ZNF276: variants seen among roughly 807,000 people sequenced by gnomAD.
ZNF276 encodes the protein zinc finger protein 276.
In ZNF276, 59 loss-of-function variants were observed where a neutral mutation model predicts 63.9. That is an observed-to-expected ratio of 0.92 (90% CI 0.75 to 1.15). The LOEUF (loss-of-function observed/expected upper bound fraction) is 1.15. Among genes scored for constraint, ZNF276 ranks in the 50% most tolerant of loss-of-function variants. The pLI, the probability that ZNF276 is intolerant of heterozygous loss-of-function variation, is 0.00. For synonymous variants in ZNF276, 496 were observed against 348.4 expected, an observed-to-expected ratio of 1.42 and a Z score of -4.72; for missense variants, 1,084 against 843.8, an observed-to-expected ratio of 1.28 and a Z score of -3.53.
chr16:89,729,125 C>T, intron 5 of ZNF276, 110 bp from the exon 6 acceptor site: 1 of 872,402 alleles, frequency 1.1e-6, no homozygotes, highest in Non-Finnish European at 1.8e-6. Context: ...TTCAGAAGAA[C>T]TCAAATGTGG....
chr16:89,739,534 G>A lies in ZNF276; in HGVS notation c.*1288G>A, dbSNP rs187297609. On this transcript the variant is annotated 3_prime_UTR_variant, in exon 11 of 11. Coordinates refer to ENST00000443381, the MANE Select transcript of ZNF276 (RefSeq NM_001113525.2). ...GCTGATCCGGGGCCACACGGAGGAGGAGCCGCCCCAGCCTGAGGTCTGCAA... is the reference window on the plus strand; with the variant it reads ...GCTGATCCGGGGCCACACGGAGGAGAAGCCGCCCCAGCCTGAGGTCTGCAA... 1.9e-6 allele frequency: 3 copies of A among 1,551,352 alleles called. No homozygotes were observed. Among genetic ancestry groups the A allele is most frequent in the South Asian group, 1.2e-5 (1 of 84,068 alleles).
Position 89,739,182 on chromosome 16 carries a change from G to C in ZNF276, c.*936G>C, listed in dbSNP as rs1277481284. On this transcript the variant is annotated 3_prime_UTR_variant, in exon 11 of 11. Coordinates refer to ENST00000443381, the MANE Select transcript of ZNF276 (RefSeq NM_001113525.2). ...GCCAGCTGGAGGTGAAACTGTGCTTGTATCCCCAGCCACGAAGAGCTGGAC... is the reference window on the plus strand; with the variant it reads ...GCCAGCTGGAGGTGAAACTGTGCTTCTATCCCCAGCCACGAAGAGCTGGAC... 6.2e-7 allele frequency: 1 copy of C among 1,614,146 alleles called. No individual in the cohort carries two copies. The highest frequency in any genetic ancestry group is 2.2e-5 in the East Asian group (1 of 44,892).
intron 9 of ZNF276, 102 bp downstream of exon 9, chr16:89,734,140 G>C (rs906267756): frequency 9.0e-7 from 1 of 1,116,468 alleles, no homozygotes; most frequent in African/African-American, 1.5e-5. Context: ...AGTTGGGGGT[G>C]CGTGAAGGTG....
chr16:89,739,078 G>C lies in ZNF276; in HGVS notation c.*832G>C, dbSNP rs553955430. The stretch of plus-strand genomic sequence containing the variant: ...TGTGCCGGAACATTCTTTGGCAGAA[G>C]GAGCCTCCGGCTGGGGGGAGCTCCC... On this transcript the variant is annotated 3_prime_UTR_variant, in exon 11 of 11. Coordinates refer to ENST00000443381, the MANE Select transcript of ZNF276 (RefSeq NM_001113525.2). 22 of 1,613,932 alleles carry C rather than the reference G, an allele frequency of 1.4e-5. No individual in the cohort carries two copies. In the South Asian group the frequency reaches 2.2e-4, roughly 16 times the overall value.
intron 6 of ZNF276, chr16:89,731,981 TGA>T (rs2061669025): frequency 6.6e-6 from 1 of 152,240 alleles, no homozygotes; most frequent in Admixed American, 6.5e-5. Flanking sequence ...AGAGCAGTGG[TGA>T]GAGAATCCGT....
intron 5 of ZNF276, among the ~76,000 whole-genome samples, chr16:89,728,424 G>C (rs780707545): frequency 2.5e-4 from 38 of 151,392 alleles, no homozygotes; most frequent in Non-Finnish European, 4.7e-4. Context: ...TTTTATTTGA[G>C]ACGGAGTCTC....
Position 89,740,707 on chromosome 16 carries a change from A to C in ZNF276, c.*2461A>C. On this transcript the variant is annotated 3_prime_UTR_variant, in exon 11 of 11. Transcript: ENST00000443381. ...CTTCCGCAAACACAAGGAGCTCCTG[A>C]GCTAGTCTGGAAACCCTGACTTGGA... 1 of 959,862 alleles carries C rather than the reference A, an allele frequency of 1.0e-6. No individual in the cohort carries two copies. The highest frequency in any genetic ancestry group is 1.4e-5 in the South Asian group (1 of 74,002). The allele number at this position is 959,862 out of a possible 1,614,324, so 59.5% of individuals were successfully genotyped here. A position where few individuals can be genotyped will look rare whatever the true frequency, so the allele number is the denominator to read the frequency against.
In ZNF276 at chr16:89,722,811, T is replaced by C. The variant is rs1245175913; in HGVS notation, c.486T>C (p.Ala162=). 1 of 1,604,460 alleles carries C rather than the reference T, an allele frequency of 6.2e-7. No individual in the cohort carries two copies. Among genetic ancestry groups the C allele is most frequent in the Non-Finnish European group, 8.5e-7 (1 of 1,179,884 alleles). The change falls in exon 2 of 11, where the codon GCT becomes GCC. Residue 162 remains alanine (A), a synonymous_variant. Coordinates refer to ENST00000443381, the MANE Select transcript of ZNF276 (RefSeq NM_001113525.2). ...TGCAGAGGGTCAACGCCTCCCCGGC[T>C]GGTCGCCGGAAGCCTTGTGCAAAGT... The part of the protein sequence containing the change: ...SFLQRVNASP[A]GRRKPCAKVG...
At chr16:89,724,839 TA>T (rs1567567278) in intron 4 of ZNF276, among the ~76,000 whole-genome samples, 1 of 152,198 alleles carries the variant, frequency 6.6e-6, no homozygotes, top group Non-Finnish European at 1.5e-5. Flanking sequence ...CCTACCTATC[TA>T]TCTTCCTACT....
At chr16:89,721,465 C>G (rs892177778), upstream of ZNF276, 2 of 541,370 alleles carry the variant, frequency 3.7e-6, no homozygotes, top group African/African-American at 4.0e-5. Context: ...GAACCTCGGC[C>G]GGCGGGGTCC....
intron 4 of ZNF276, among the ~76,000 whole-genome samples, chr16:89,725,873 C>T (rs2061453823): frequency 6.6e-6 from 1 of 152,192 alleles, no homozygotes; most frequent in African/African-American, 2.4e-5. Flanking sequence ...TCTTGAATTT[C>T]TGTCTTCAAG....
At position 89,738,776 on chromosome 16, in the gene ZNF276, T is replaced by C. The variant is rs2062035443; in HGVS notation, c.*530T>C. The C allele has an allele frequency of 1.9e-6, 3 of 1,612,462 alleles. No individual in the cohort carries two copies. The highest frequency in any genetic ancestry group is 2.5e-6 in the Non-Finnish European group (3 of 1,179,442). On this transcript the variant is annotated 3_prime_UTR_variant, in exon 11 of 11. Coordinates refer to ENST00000443381, the MANE Select transcript of ZNF276 (RefSeq NM_001113525.2). The stretch of plus-strand genomic sequence containing the variant: ...GCCTCAGACCACAGGGGAGGGGCTC[T>C]GGCAGAAATAGTCGAGTTGTATTGC...
At chr16:89,733,222 A>G (rs948248238) in intron 6 of ZNF276, 80 bp from the exon 7 acceptor site, 24 of 1,315,674 alleles carry the variant, frequency 1.8e-5, no homozygotes, top group Non-Finnish European at 2.3e-5. Flanking sequence ...AGAAAAGACC[A>G]TTTCTCAGGT....
At chr16:89,724,302 T>C (rs1327600063) in intron 4 of ZNF276, among the ~76,000 whole-genome samples, 3 of 152,198 alleles carry the variant, frequency 2.0e-5, no homozygotes, top group African/African-American at 7.2e-5. Context: ...CCTCTTGTCC[T>C]GTGTGTGCTC....
chr16:89,724,351 T>G (rs1428281025), intron 4 of ZNF276, among the ~76,000 whole-genome samples: 1 of 152,226 alleles, frequency 6.6e-6, no homozygotes, highest in Non-Finnish European at 1.5e-5. Context: ...GTTCCCACTT[T>G]GAGTCTTGAG....
intron 5 of ZNF276, among the ~76,000 whole-genome samples, chr16:89,728,890 C>T (rs955173352): frequency 7.2e-5 from 11 of 152,334 alleles, no homozygotes; most frequent in South Asian, 4.1e-4. Flanking sequence ...GCATAGGGTT[C>T]GCAGTTATGG....
intron 4 of ZNF276, among the ~76,000 whole-genome samples, chr16:89,726,443 C>G (rs774929249): frequency 1.3e-5 from 2 of 152,072 alleles, no homozygotes; most frequent in African/African-American, 4.8e-5. Flanking sequence ...GTGATCCGCC[C>G]ACCCCGGCCT....
chr16:89,723,229 T>A, intron 3 of ZNF276, 31 bp from the exon 4 acceptor site: 1 of 1,613,252 alleles, frequency 6.2e-7, no homozygotes, highest in South Asian at 1.1e-5. Flanking sequence ...CGACCAGCCG[T>A]GGATCTGACA....
intron 6 of ZNF276, 173 bp from the exon 7 acceptor site, chr16:89,733,129 T>A: frequency 1.5e-6 from 1 of 653,178 alleles, no homozygotes; most frequent in South Asian, 1.9e-5. Context: ...CCCTGAGGCC[T>A]CCTGTCCAGA....
Sources: allele counts gnomAD v4.1 joint callset (sites outside exome capture counted in the v4.1 genomes callset), GRCh38; gene constraint gnomAD v4.1.1; transcripts MANE v1.5; gene names NCBI Gene and HGNC (gene_info 2026-07-23, HGNC 2026-07-21).